The following MDGA2 variants were observed in gnomAD, a reference collection of about 807,000 sequenced individuals.
MDGA2 encodes MAM domain containing glycosylphosphatidylinositol anchor 2.
A neutral mutation model predicts 117.8 loss-of-function variants in MDGA2; 40 were observed. The ratio of observed to expected loss-of-function variants is 0.34; its 90% confidence interval spans 0.26 to 0.44. The LOEUF (loss-of-function observed/expected upper bound fraction) is 0.44. Among genes scored for constraint, MDGA2 ranks in the 20% least tolerant of loss-of-function variants. The pLI, the probability that MDGA2 is intolerant of heterozygous loss-of-function variation, is 1.00. For synonymous variants in MDGA2, 452 were observed against 439.0 expected, an observed-to-expected ratio of 1.03 and a Z score of -0.37; for missense variants, 1,123 against 1,250.6, an observed-to-expected ratio of 0.90 and a Z score of 1.54.
chr14:47,040,630 T>C (rs938686479), intron 7 of MDGA2, among the ~76,000 whole-genome samples: 1 of 152,180 alleles, frequency 6.6e-6, no homozygotes, highest in Non-Finnish European at 1.5e-5. Context: ...TTCTTTTCCA[T>C]GGTCAGAGTG....
At chr14:46,964,532 T>A (rs1176474339) in intron 8 of MDGA2, among the ~76,000 whole-genome samples, 1 of 152,182 alleles carries the variant, frequency 6.6e-6, no homozygotes, top group East Asian at 1.9e-4. Context: ...GCCAACAGAC[T>A]GATTTGCTAG....
At chr14:47,013,772 G>GTGTGTA (rs1555343310) in intron 8 of MDGA2, among the ~76,000 whole-genome samples, 8 of 93,708 alleles carry the variant, frequency 8.5e-5, no homozygotes, top group African/African-American at 2.9e-4. Context: ...TAATTTCCTT[G>GTGTGTA]TATATATATA....
At chr14:46,864,545 G>GTT (rs71112467) in intron 14 of MDGA2, among the ~76,000 whole-genome samples, 5,424 of 51,274 alleles carry the variant, frequency 0.11, 1,263 homozygotes, top group Middle Eastern at 0.2. Context: ...AGATATTGCT[G>GTT]TTTTTTTTTT....
At chr14:47,520,631 G>C (rs1329485855) in intron 1 of MDGA2, among the ~76,000 whole-genome samples, 2 of 152,110 alleles carry the variant, frequency 1.3e-5, no homozygotes, top group African/African-American at 4.8e-5. Context: ...GGAGAAAGCT[G>C]ACATTTTATT....
At chr14:47,482,621 G>A (rs1193913036) in intron 1 of MDGA2, among the ~76,000 whole-genome samples, 3 of 151,970 alleles carry the variant, frequency 2.0e-5, no homozygotes, top group African/African-American at 4.8e-5. Context: ...ATACTACAAG[G>A]AAACCTGTGT....
intron 5 of MDGA2, among the ~76,000 whole-genome samples, chr14:47,107,064 C>T (rs539162250): frequency 2.3e-5 from 3 of 131,026 alleles, no homozygotes; most frequent in South Asian, 4.6e-4. Flanking sequence ...TTCTATCCCC[C>T]CACCTTAACC....
chr14:46,963,613 C>T (rs1027253953), intron 8 of MDGA2, among the ~76,000 whole-genome samples: 1 of 152,192 alleles, frequency 6.6e-6, no homozygotes, highest in African/African-American at 2.4e-5. Flanking sequence ...TTTGGTCTTT[C>T]AATAGCTGGC....
intron 1 of MDGA2, among the ~76,000 whole-genome samples, chr14:47,533,550 G>T (rs1419764785): frequency 6.6e-6 from 1 of 152,178 alleles, no homozygotes; most frequent in Non-Finnish European, 1.5e-5. Context: ...CACACGTATT[G>T]TCTGCCTCCA....
At position 47,312,706 on chromosome 14, in the gene MDGA2, T is replaced by G. The variant is rs925963389; in HGVS notation, c.281-11156A>C. ...TTTTTTTGTTTTGTTTTGTTTTTTTTTTTTGTAGAGATAGGGTATTTCCAT... is the reference window on the plus strand; with the variant it reads ...TTTTTTTGTTTTGTTTTGTTTTTTTGTTTTGTAGAGATAGGGTATTTCCAT... On this transcript the variant is annotated intron_variant, in intron 1 of 16. Transcript: ENST00000399232. Among the ~76,000 whole-genome samples the G allele has an allele frequency of 7.2e-3, 1,050 of 145,554 alleles. 20 individuals carry two copies. The highest frequency in any genetic ancestry group is 0.023 in the African/African-American group (900 of 39,336).
chr14:47,396,479 T>C (rs1395143243), intron 1 of MDGA2, among the ~76,000 whole-genome samples: 2 of 152,072 alleles, frequency 1.3e-5, no homozygotes, highest in Admixed American at 1.3e-4. Flanking sequence ...AAAGTCAAAA[T>C]TGACAAATGG....
At chr14:47,565,897 C>T (rs1392762018) in intron 1 of MDGA2, among the ~76,000 whole-genome samples, 32 of 152,144 alleles carry the variant, frequency 2.1e-4, no homozygotes, top group Admixed American at 2.1e-3. Flanking sequence ...TGCGGATGTC[C>T]TTGTGTTCAT....
At chr14:47,340,318 T>C (rs1329093477) in intron 1 of MDGA2, among the ~76,000 whole-genome samples, 1 of 152,158 alleles carries the variant, frequency 6.6e-6, no homozygotes, top group Non-Finnish European at 1.5e-5. Flanking sequence ...TGTCAATTTA[T>C]AATGAAAAAT....
intron 6 of MDGA2, among the ~76,000 whole-genome samples, chr14:47,069,846 A>T (rs537165649): frequency 2.0e-5 from 3 of 152,330 alleles, no homozygotes; most frequent in African/African-American, 7.2e-5. Flanking sequence ...AATAACTTAG[A>T]TATACTGAAT....
At chr14:46,879,126 C>T (rs777649977) in intron 11 of MDGA2, among the ~76,000 whole-genome samples, 1 of 151,900 alleles carries the variant, frequency 6.6e-6, no homozygotes, top group Non-Finnish European at 1.5e-5. Flanking sequence ...GGGGATAAAT[C>T]CTTTAGGGAG....
chr14:47,019,552 A>G (rs899416851), intron 8 of MDGA2, among the ~76,000 whole-genome samples: 37 of 152,134 alleles, frequency 2.4e-4, no homozygotes, highest in Admixed American at 2.0e-3. Context: ...AATATTATCT[A>G]CCTGGTGTAG....
chr14:47,447,377 G>A (rs1893146190), intron 1 of MDGA2, among the ~76,000 whole-genome samples: 1 of 152,120 alleles, frequency 6.6e-6, no homozygotes, highest in South Asian at 2.1e-4. Context: ...GGAAGAAATG[G>A]GACAAAGAAA....
intron 3 of MDGA2, among the ~76,000 whole-genome samples, chr14:47,152,496 C>T (rs1170516073): frequency 1.3e-5 from 2 of 151,986 alleles, no homozygotes; most frequent in Non-Finnish European, 2.9e-5. Flanking sequence ...TCCTGGGAGT[C>T]AAGTTTCAGA....
intron 16 of MDGA2, among the ~76,000 whole-genome samples, chr14:46,843,175 G>T (rs891879653): frequency 1.3e-5 from 2 of 151,772 alleles, no homozygotes; most frequent in African/African-American, 4.8e-5. Context: ...ATGTTCTATT[G>T]TAATAGAACT....
chr14:47,572,109 A>C (rs1385495909), intron 1 of MDGA2, among the ~76,000 whole-genome samples: 2 of 152,170 alleles, frequency 1.3e-5, no homozygotes, highest in Non-Finnish European at 2.9e-5. Flanking sequence ...AGAAGTTCCA[A>C]ATAGAATCTG....
Sources: gnomAD v4.1 joint callset for allele counts (sites outside exome capture counted in the v4.1 genomes callset) on GRCh38, gnomAD v4.1.1 for gene constraint, MANE v1.5 for transcripts, NCBI Gene and HGNC (gene_info 2026-07-23, HGNC 2026-07-21) for gene names.